GPA33: variants seen among roughly 807,000 people sequenced by gnomAD.
The protein encoded by GPA33 is glycoprotein A33, also known as cell surface A33 antigen.
GPA33 carries 27 observed loss-of-function variants against 35.6 expected under a neutral mutation model. The ratio of observed to expected loss-of-function variants is 0.76; its 90% CI spans 0.56 to 1.04. The LOEUF is 1.04. GPA33 is among the 50% of genes least tolerant of loss of function. GPA33 has a pLI of 0.00. For synonymous variants in GPA33, 176 were observed against 164.0 expected (o/e 1.07, Z -0.56); for missense variants, 428 against 411.9 (o/e 1.04, Z -0.34).
intron 4 of GPA33, among the ~76,000 whole-genome samples, chr1:167,059,626 C>A (rs1666389767): frequency 6.6e-6 from 1 of 152,124 alleles, no homozygotes; most frequent in African/African-American, 2.4e-5. Context: ...ACTACCCCCT[C>A]CCCCACTTCC....
In GPA33 at chr1:167,090,114, T is replaced by C. The variant is rs934340918; in HGVS notation, c.43+131A>G. The C allele has an allele frequency of 7.1e-6, 5 of 699,506 alleles. No individual in the cohort carries two copies. The African/African-American group carries it at 9.0e-5, about 13-fold the overall frequency. The allele number at this position is 699,506 out of a possible 1,614,324, so 43.3% of individuals were successfully genotyped here. On this transcript the variant is annotated intron_variant, in intron 1 of 6. Coordinates refer to ENST00000367868, the MANE Select transcript of GPA33 (RefSeq NM_005814.3). ...GGCACTGGTCCGGAATGTGTAATTC[T>C]GGCCCAGCAGGAACGCAGCTGTGTT...
rs977056163 is a variant in GPA33 at position 167,053,061 on chromosome 1, T to C, written c.*1273A>G. 1 of 152,086 alleles carries C rather than the reference T, an allele frequency of 6.6e-6. No individual in the cohort carries two copies. Among genetic ancestry groups the C allele is most frequent in the East Asian group, 1.9e-4 (1 of 5,186 alleles). 9.4% of individuals were successfully genotyped at this position (152,086 alleles called of 1,614,324 possible). A position where few individuals can be genotyped will look rare whatever the true frequency, so the allele number is the denominator to read the frequency against. ...TAAGCAGCCCTAACGCTGCCTGAGC[T>C]CTCAAGAGTAGAAGAAATGCTCGAC... On this transcript the variant is annotated 3_prime_UTR_variant, in exon 7 of 7. Transcript: ENST00000367868.
Position 167,053,892 on chromosome 1 carries a change from G to A in GPA33, c.*442C>T, listed in dbSNP as rs546171516. 3.0e-5 allele frequency: 5 copies of A among 167,628 alleles called. No individual in the cohort carries two copies. The East Asian group carries it at 8.8e-4, about 30-fold the overall frequency. The allele number at this position is 167,628 out of a possible 1,614,324, so 10.4% of individuals were successfully genotyped here. ...TTTCATTCATTCAAGAAAGATGTGTGGAGTGCAAACCCTCCACCTGGTGCC... is the reference window on the plus strand; with the variant it reads ...TTTCATTCATTCAAGAAAGATGTGTAGAGTGCAAACCCTCCACCTGGTGCC... On this transcript the variant is annotated 3_prime_UTR_variant, in exon 7 of 7. Coordinates refer to ENST00000367868, the MANE Select transcript of GPA33 (RefSeq NM_005814.3).
At chr1:167,069,269 A>C in intron 2 of GPA33, 131 bp from the exon 3 acceptor site, 1 of 604,660 alleles carries the variant, frequency 1.7e-6, no homozygotes, top group Admixed American at 2.8e-5. Flanking sequence ...CCTCAGAACA[A>C]ATAGCTCGCA....
chr1:167,053,994 T>C lies in GPA33; in HGVS notation c.*340A>G. On this transcript the variant is annotated 3_prime_UTR_variant, in exon 7 of 7. Coordinates refer to ENST00000367868, the MANE Select transcript of GPA33 (RefSeq NM_005814.3). The stretch of plus-strand genomic sequence containing the variant: ...CTGGCATCGCCTCCCTGGAGAGTTC[T>C]GAGTGGGAGCGCCCCATGCTCAGCG... 1 of 303,968 alleles carries C rather than the reference T, an allele frequency of 3.3e-6. No homozygotes were observed. Among genetic ancestry groups the C allele is most frequent in the Non-Finnish European group, 6.2e-6 (1 of 161,408 alleles). The allele number at this position is 303,968 out of a possible 1,614,324, so 18.8% of individuals were successfully genotyped here. A position where few individuals can be genotyped will look rare whatever the true frequency, so the allele number is the denominator to read the frequency against.
In GPA33 at chr1:167,070,721, A is replaced by G. The variant is rs150047715; in HGVS notation, c.199-1583T>C. 2.1e-3 allele frequency among the ~76,000 whole-genome samples: 315 copies of G among 152,344 alleles called. 2 individuals carry two copies. Among genetic ancestry groups the G allele is most frequent in the African/African-American group, 6.5e-3 (270 of 41,578 alleles). On this transcript the variant is annotated intron_variant, in intron 2 of 6. Coordinates refer to ENST00000367868, the MANE Select transcript of GPA33 (RefSeq NM_005814.3). ...AAGAAACCAGTTTAACAATTCAGGT[A>G]AAAAATGATGGGTCCTCAGATAAGG...
At chr1:167,074,884 C>T (rs1372005836) in intron 1 of GPA33, among the ~76,000 whole-genome samples, 1 of 149,170 alleles carries the variant, frequency 6.7e-6, no homozygotes, top group African/African-American at 2.5e-5. Context: ...GAGATTTAAG[C>T]AGAGAAAATA....
In GPA33 at chr1:167,054,081, T is replaced by A; in HGVS notation, c.*253A>T. On this transcript the variant is annotated 3_prime_UTR_variant, in exon 7 of 7. Transcript: ENST00000367868. Reference sequence around the variant, plus strand: ...GTGGAGGCTGCAGCCTGGTCTTGAGTGAGGGCCAGGCCCGCACCAGGTGTC... The same window carrying A: ...GTGGAGGCTGCAGCCTGGTCTTGAGAGAGGGCCAGGCCCGCACCAGGTGTC... 1 of 506,498 alleles carries A rather than the reference T, an allele frequency of 2.0e-6. No homozygotes were observed. Among genetic ancestry groups the A allele is most frequent in the Non-Finnish European group, 3.5e-6 (1 of 282,872 alleles). 31.4% of individuals were successfully genotyped at this position (506,498 alleles called of 1,614,324 possible).
At chr1:167,070,174 G>A (rs1350546525) in intron 2 of GPA33, among the ~76,000 whole-genome samples, 1 of 152,128 alleles carries the variant, frequency 6.6e-6, no homozygotes, top group Non-Finnish European at 1.5e-5. Flanking sequence ...GGCATTTCAG[G>A]CAAAAGAAGA....
chr1:167,056,698 G>GTGTA (rs1666283698), intron 4 of GPA33, among the ~76,000 whole-genome samples: 3 of 27,056 alleles, frequency 1.1e-4, no homozygotes, highest in African/African-American at 1.4e-4. Flanking sequence ...TGGTGGGTGT[G>GTGTA]TGGTGTGTGT....
At chr1:167,056,754 A>AGTATGTGTGGTGTGTG (rs1666295131) in intron 4 of GPA33, among the ~76,000 whole-genome samples, 54 of 4,456 alleles carry the variant, frequency 0.012, no homozygotes, top group South Asian at 0.015. Flanking sequence ...TGGTGTGTGT[A>AGTATGTGTGGTGTGTG]TGGCGTGTGT....
intron 3 of GPA33, among the ~76,000 whole-genome samples, chr1:167,065,835 A>T (rs563620550): frequency 6.6e-6 from 1 of 152,128 alleles, no homozygotes; most frequent in Non-Finnish European, 1.5e-5. Flanking sequence ...AAGAGGTCCA[A>T]AGTTCAAGGC....
intron 4 of GPA33, among the ~76,000 whole-genome samples, chr1:167,056,616 T>G: frequency 1.4e-5 from 2 of 146,666 alleles, no homozygotes; most frequent in African/African-American, 2.5e-5. Flanking sequence ...GTGTAGTGTG[T>G]GTGGTGAGTG....
At chr1:167,065,621 G>C (rs1040115308) in intron 3 of GPA33, among the ~76,000 whole-genome samples, 7 of 152,188 alleles carry the variant, frequency 4.6e-5, no homozygotes, top group Non-Finnish European at 8.8e-5. Flanking sequence ...CCACCCGGCA[G>C]CTGCTGAGAG....
At position 167,057,927 on chromosome 1, in the gene GPA33, A is replaced by G. The variant is rs549859800; in HGVS notation, c.572-2078T>C. Among the ~76,000 whole-genome samples, 111 of 152,300 alleles carry G rather than the reference A, an allele frequency of 7.3e-4. 1 individual carries two copies. The highest frequency in any genetic ancestry group is 1.6e-3 in the Admixed American group (24 of 15,300). ...CTTTTAAAAATTTGTGGCCGGGTAC[A>G]TTGGCTCACGCCTGTAATCCCAGCA... On this transcript the variant is annotated intron_variant, in intron 4 of 6. Transcript: ENST00000367868.
chr1:167,056,744 TG>T (rs1485245630), intron 4 of GPA33, among the ~76,000 whole-genome samples: 2 of 148,790 alleles, frequency 1.3e-5, no homozygotes, highest in African/African-American at 2.5e-5. Flanking sequence ...GTGGTGTGTG[TG>T]GTGTGTGTAT....
chr1:167,064,483 G>A (rs748590775), intron 3 of GPA33, among the ~76,000 whole-genome samples: 1 of 152,060 alleles, frequency 6.6e-6, no homozygotes, highest in Non-Finnish European at 1.5e-5. Flanking sequence ...GTGCCATTTT[G>A]GGAAAATCCT....
intron 3 of GPA33, among the ~76,000 whole-genome samples, chr1:167,067,751 T>G (rs986129332): frequency 1.3e-5 from 2 of 152,174 alleles, no homozygotes; most frequent in Non-Finnish European, 2.9e-5. Flanking sequence ...TCGGTAGATC[T>G]GCATGTGCCG....
intron 1 of GPA33, 86 bp from the exon 2 acceptor site, chr1:167,073,625 T>G: frequency 8.5e-7 from 1 of 1,176,430 alleles, no homozygotes; most frequent in South Asian, 1.4e-5. Flanking sequence ...ACTGAGGGAA[T>G]GTCCAGGGCT....
Sources: gnomAD v4.1 joint callset for allele counts (sites outside exome capture counted in the v4.1 genomes callset) on GRCh38, gnomAD v4.1.1 for gene constraint, MANE v1.5 for transcripts, NCBI Gene and HGNC (gene_info 2026-07-23, HGNC 2026-07-21) for gene names.